ADAM23: variants seen among roughly 807,000 people sequenced by gnomAD.
ADAM23 encodes the protein disintegrin and metalloproteinase domain-containing protein 23.
A neutral mutation model predicts 120.1 loss-of-function variants in ADAM23; 33 were observed. That is an observed-to-expected ratio of 0.27 (90% confidence interval 0.21 to 0.37). The LOEUF (loss-of-function observed/expected upper bound fraction) is 0.37. Among genes scored for constraint, ADAM23 ranks in the 10% least tolerant of loss-of-function variants. ADAM23 has a pLI of 1.00. For missense variants in ADAM23, 862 were observed against 1,058.2 expected, an observed-to-expected ratio of 0.81 and a Z score of 2.57; for synonymous variants, 367 against 375.2, an observed-to-expected ratio of 0.98 and a Z score of 0.25.
At chr2:206,448,793 A>G (rs1416206752) in intron 2 of ADAM23, among the ~76,000 whole-genome samples, 1 of 152,230 alleles carries the variant, frequency 6.6e-6, no homozygotes, top group African/African-American at 2.4e-5. Flanking sequence ...AGGGCATTGA[A>G]GATCCTCGCC....
At chr2:206,524,987 T>C (rs1284308820) in intron 3 of ADAM23, among the ~76,000 whole-genome samples, 1 of 152,218 alleles carries the variant, frequency 6.6e-6, no homozygotes, top group Non-Finnish European at 1.5e-5. Context: ...TAGAACTCGA[T>C]GTGTATACCT....
intron 3 of ADAM23, among the ~76,000 whole-genome samples, chr2:206,521,849 C>T (rs1055424483): frequency 7.2e-5 from 11 of 152,128 alleles, no homozygotes; most frequent in African/African-American, 1.4e-4. Flanking sequence ...CTTTTGATAC[C>T]TATTGCCAAA....
At chr2:206,573,963 C>G (rs1464058650) in intron 18 of ADAM23, among the ~76,000 whole-genome samples, 1 of 152,064 alleles carries the variant, frequency 6.6e-6, no homozygotes, top group Non-Finnish European at 1.5e-5. Context: ...TTAGAAGTCT[C>G]TCTTTGATTT....
intron 2 of ADAM23, among the ~76,000 whole-genome samples, chr2:206,475,217 CATT>C (rs1227511952): frequency 4.6e-5 from 7 of 152,110 alleles, no homozygotes; most frequent in East Asian, 3.9e-4. Flanking sequence ...AAATGTGAGG[CATT>C]ATTATTTTTA....
chr2:206,604,011 AATCCCAGCACTTTGGG>A (rs910893555), intron 24 of ADAM23, among the ~76,000 whole-genome samples: 1 of 151,960 alleles, frequency 6.6e-6, no homozygotes, highest in African/African-American at 2.4e-5. Context: ...TCATGCCTGT[AATCCCAGCACTTTGGG>A]AGGCCGAGGC....
At chr2:206,555,274 C>T (rs1252922125) in intron 9 of ADAM23, among the ~76,000 whole-genome samples, 1 of 152,172 alleles carries the variant, frequency 6.6e-6, no homozygotes, top group African/African-American at 2.4e-5. Flanking sequence ...CTTCTAGTCT[C>T]TCTTATTATT....
At chr2:206,512,454 G>T (rs2105783552) in intron 3 of ADAM23, among the ~76,000 whole-genome samples, 1 of 152,254 alleles carries the variant, frequency 6.6e-6, no homozygotes, top group East Asian at 1.9e-4. Context: ...CAGCTGAAAA[G>T]GCTATTGAGT....
intron 3 of ADAM23, among the ~76,000 whole-genome samples, chr2:206,503,670 C>T (rs1238413620): frequency 6.6e-6 from 1 of 152,096 alleles, no homozygotes; most frequent in African/African-American, 2.4e-5. Context: ...ACGGGTGTTT[C>T]ATTCCTTTGG....
intron 6 of ADAM23, among the ~76,000 whole-genome samples, chr2:206,544,653 C>T (rs1176758710): frequency 6.7e-6 from 1 of 149,720 alleles, no homozygotes; most frequent in Non-Finnish European, 1.5e-5. Flanking sequence ...CGCTCTTTCG[C>T]CTAGGCTGGA....
intron 4 of ADAM23, among the ~76,000 whole-genome samples, chr2:206,538,352 A>G (rs955444401): frequency 3.3e-5 from 5 of 152,156 alleles, no homozygotes; most frequent in South Asian, 2.1e-4. Flanking sequence ...CTCATTTGTT[A>G]TCAGCTCACT....
In ADAM23 at chr2:206,617,301, C is replaced by T. The variant is rs540619567; in HGVS notation, c.2451-278C>T. Among the ~76,000 whole-genome samples, 6 of 152,262 alleles carry T rather than the reference C, an allele frequency of 3.9e-5. No individual in the cohort carries two copies. The South Asian group carries it at 8.3e-4, about 21-fold the overall frequency. ...TTCTGAAATAAGAGACAAATTGGGC[C>T]GCAGAGTCTTCCTGTGATTTAAAAT... is the stretch of plus-strand genomic sequence containing the variant. On this transcript the variant is annotated intron_variant, in intron 25 of 25. Transcript: ENST00000264377.
intron 15 of ADAM23, among the ~76,000 whole-genome samples, chr2:206,567,629 C>G (rs897978315): frequency 4.6e-5 from 7 of 151,912 alleles, no homozygotes; most frequent in Non-Finnish European, 8.8e-5. Flanking sequence ...AGATTTTTAC[C>G]CTGCTGCTAA....
At position 206,557,469 on chromosome 2, in the gene ADAM23, G is replaced by T. The variant is rs1317339527; in HGVS notation, c.976G>T (p.Ala326Ser). ...TTCTCATGCACATACCAACAACTTTGCAAAGTCCGTGGTCAACCTTGTGGA... is the reference window on the plus strand; with the variant it reads ...TTCTCATGCACATACCAACAACTTTTCAAAGTCCGTGGTCAACCTTGTGGA... The part of the protein sequence containing the change: ...RSSHAHTNNF[A>S]KSVVNLVDSI... The change falls in exon 10 of 26, where the codon GCA becomes TCA. Residue 326 changes from alanine to serine, a missense_variant. This residue lies in a region of ADAM23 where 617 missense variants were observed against 813.5 expected (regional missense o/e 0.76). Coordinates refer to ENST00000264377, the MANE Select transcript of ADAM23 (RefSeq NM_003812.4). 6.2e-7 allele frequency: 1 copy of T among 1,613,776 alleles called. No individual in the cohort carries two copies. Among genetic ancestry groups the T allele is most frequent in the Non-Finnish European group, 8.5e-7 (1 of 1,179,838 alleles).
chr2:206,569,332 A>C (rs890320575), intron 15 of ADAM23, among the ~76,000 whole-genome samples: 1 of 152,214 alleles, frequency 6.6e-6, no homozygotes, highest in Non-Finnish European at 1.5e-5. Flanking sequence ...ATTTTTTAAA[A>C]AGTTAGTAAA....
rs1695844343 is a variant in ADAM23, at chr2:206,479,191, A to G, written c.433-2041A>G. Among the ~76,000 whole-genome samples the G allele has an allele frequency of 3.9e-5, 6 of 152,250 alleles. No homozygotes were observed. In the South Asian group the frequency reaches 1.2e-3, roughly 31 times the overall value. The stretch of plus-strand genomic sequence containing the variant: ...TTGGTATAAACCTATTCTAGCAATT[A>G]TCAAATTGTGTAACTCCTACAATTC... On this transcript the variant is annotated intron_variant, in intron 2 of 25. Coordinates refer to ENST00000264377, the MANE Select transcript of ADAM23 (RefSeq NM_003812.4).
chr2:206,463,559 C>T (rs1695473195), intron 2 of ADAM23, among the ~76,000 whole-genome samples: 1 of 152,152 alleles, frequency 6.6e-6, no homozygotes, highest in Non-Finnish European at 1.5e-5. Context: ...GGAAATAATC[C>T]AGCAGTCAAA....
chr2:206,506,262 T>C (rs905877858), intron 3 of ADAM23, among the ~76,000 whole-genome samples: 7 of 152,218 alleles, frequency 4.6e-5, no homozygotes, highest in African/African-American at 1.7e-4. Flanking sequence ...GGTTATTCTT[T>C]GTCATATTTA....
chr2:206,605,659 C>T (rs1698714833), intron 24 of ADAM23: 6 of 639,298 alleles, frequency 9.4e-6, no homozygotes, highest in Non-Finnish European at 1.4e-5. Flanking sequence ...ATCTTAATTT[C>T]AAATCTTATA....
intron 25 of ADAM23, among the ~76,000 whole-genome samples, chr2:206,614,417 G>GC (rs1698894340): frequency 1.3e-5 from 2 of 152,036 alleles, no homozygotes; most frequent in African/African-American, 4.8e-5. Flanking sequence ...TGTAATCCCA[G>GC]GCTGAGGTGG....
Sources: allele counts gnomAD v4.1 joint callset (sites outside exome capture counted in the v4.1 genomes callset), GRCh38; gene constraint gnomAD v4.1.1; regional missense constraint gnomAD v4.1.1; transcripts MANE v1.5; gene names NCBI Gene and HGNC (gene_info 2026-07-23, HGNC 2026-07-21).